The following ACOX3 variants were observed in gnomAD, a reference collection of about 807,000 sequenced individuals.
The protein encoded by ACOX3 is peroxisomal acyl-coenzyme A oxidase 3.
A neutral mutation model predicts 81.5 loss-of-function variants in ACOX3; 73 were observed. That is an observed-to-expected ratio of 0.90 (90% confidence interval 0.74 to 1.09). ACOX3 has a LOEUF of 1.09. ACOX3 is among the 50% of genes least tolerant of loss of function. The pLI, the probability that ACOX3 is intolerant of heterozygous loss-of-function variation, is 0.00. For synonymous variants in ACOX3, 387 were observed against 375.1 expected (o/e 1.03, Z -0.37); for missense variants, 947 against 928.0 (o/e 1.02, Z -0.27).
chr4:8,401,884 C>T (rs149277522), intron 7 of ACOX3, among the ~76,000 whole-genome samples: 1 of 152,334 alleles, frequency 6.6e-6, no homozygotes, highest in Non-Finnish European at 1.5e-5. Context: ...AATTCTATGC[C>T]CCACCCTGGG....
chr4:8,432,834 G>A lies in ACOX3; in HGVS notation c.-15+7814C>T, dbSNP rs371592538. On this transcript the variant is annotated intron_variant, in intron 1 of 17. Transcript: ENST00000356406. This position sits in a 1 kb window ranked among gnomAD's most constrained non-coding sequence, Gnocchi z 6.2. ...TAAGGGTCCCAGGTGAGTGTCTCTA[G>A]TGCTGCATTGTTCAACAGTAGCCCC... Among the ~76,000 whole-genome samples the A allele has an allele frequency of 6.6e-6, 1 of 152,206 alleles. No individual in the cohort carries two copies. The highest frequency in any genetic ancestry group is 2.4e-5 in the African/African-American group (1 of 41,444).
chr4:8,425,089 G>C (rs189595015), intron 1 of ACOX3, among the ~76,000 whole-genome samples: 1 of 152,150 alleles, frequency 6.6e-6, no homozygotes, highest in East Asian at 1.9e-4. Flanking sequence ...CCTAACTTCC[G>C]AGGGAACACC....
In ACOX3 at chr4:8,386,879, G is replaced by C. The variant is rs1025775330; in HGVS notation, c.1537+2294C>G. ...GGAAGTAGCCTGTAGGGCTGGAGAC[G>C]GACAAGGACACACGCTCGGGGGCTG... On this transcript the variant is annotated intron_variant, in intron 13 of 17. Transcript: ENST00000356406. This position sits in a 1 kb window ranked among gnomAD's most constrained non-coding sequence, Gnocchi z 5.2. Among the ~76,000 whole-genome samples the C allele has an allele frequency of 7.9e-5, 12 of 152,232 alleles. No individual in the cohort carries two copies. The highest frequency in any genetic ancestry group is 1.8e-4 in the Non-Finnish European group (12 of 68,032).
chr4:8,400,818 G>T lies in ACOX3; in HGVS notation c.777-1166C>A, dbSNP rs1720289242. Among the ~76,000 whole-genome samples the T allele has an allele frequency of 6.6e-6, 1 of 152,152 alleles. No homozygotes were observed. The highest frequency in any genetic ancestry group is 2.1e-4 in the South Asian group (1 of 4,832). ...GTTTTATGGAAGACAATTTTTCCAC[G>T]AATGAGGGGGAGGTGGGAGTGGTTT... is the stretch of plus-strand genomic sequence containing the variant. On this transcript the variant is annotated intron_variant, in intron 7 of 17. Coordinates refer to ENST00000356406, the MANE Select transcript of ACOX3 (RefSeq NM_003501.3). This position sits in a 1 kb window ranked among gnomAD's most constrained non-coding sequence, Gnocchi z 4.4.
chr4:8,436,300 C>T (rs553674597), intron 1 of ACOX3: 3 of 151,934 alleles, frequency 2.0e-5, no homozygotes, highest in African/African-American at 7.3e-5. Context: ...GCTTCATCAA[C>T]CCACAAGGAG....
chr4:8,365,737 C>T (rs148559575), downstream of ACOX3, among the ~76,000 whole-genome samples: 61 of 145,634 alleles, frequency 4.2e-4, no homozygotes, highest in Non-Finnish European at 5.8e-4. Context: ...GAGCCCCAGA[C>T]GGGTGGGATG....
intron 1 of ACOX3, among the ~76,000 whole-genome samples, chr4:8,417,926 G>A (rs1469952489): frequency 6.6e-6 from 1 of 152,200 alleles, no homozygotes; most frequent in Non-Finnish European, 1.5e-5. Flanking sequence ...ACCATGGTAT[G>A]CCAACAAATG....
At chr4:8,373,844 G>T (rs896417230) in intron 15 of ACOX3, 67 of 596,128 alleles carry the variant, frequency 1.1e-4, no homozygotes, top group Non-Finnish European at 1.6e-4. Flanking sequence ...AGGCATTGAT[G>T]GTCTCTGGCC....
At chr4:8,376,553 T>A (rs767265314) in intron 14 of ACOX3, among the ~76,000 whole-genome samples, 2 of 152,060 alleles carry the variant, frequency 1.3e-5, no homozygotes, top group Non-Finnish European at 2.9e-5. Flanking sequence ...ATCAGGAGCC[T>A]CGGGAAAACA....
chr4:8,395,398 G>A (rs1398585154), intron 9 of ACOX3, among the ~76,000 whole-genome samples: 1 of 137,276 alleles, frequency 7.3e-6, no homozygotes, highest in East Asian at 2.3e-4. Context: ...ACAGGTGGGG[G>A]GATGCATGGA....
chr4:8,383,324 C>T (rs1165856875), intron 13 of ACOX3, among the ~76,000 whole-genome samples: 1 of 152,266 alleles, frequency 6.6e-6, no homozygotes, highest in Non-Finnish European at 1.5e-5. Context: ...ATGGTGGCCC[C>T]AACTGACCCC....
In ACOX3 at chr4:8,430,450, G is replaced by C. The variant is rs1444029281; in HGVS notation, c.-15+10198C>G. 6.6e-6 allele frequency among the ~76,000 whole-genome samples: 1 copy of C among 152,242 alleles called. No individual in the cohort carries two copies. Among genetic ancestry groups the C allele is most frequent in the Non-Finnish European group, 1.5e-5 (1 of 68,040 alleles). On this transcript the variant is annotated intron_variant, in intron 1 of 17. Transcript: ENST00000356406. This position sits in a 1 kb window ranked among gnomAD's most constrained non-coding sequence, Gnocchi z 5.2. ...TTTTCAAATGTTTGGAGATACTGTTGAGAGTAATAAAATAACCATTTATTG... is the reference window on the plus strand; with the variant it reads ...TTTTCAAATGTTTGGAGATACTGTTCAGAGTAATAAAATAACCATTTATTG...
Position 8,394,670 on chromosome 4 carries a change from G to C in ACOX3, c.1129C>G (p.Leu377Val), listed in dbSNP as rs1433149508. 2 of 1,613,898 alleles carry C rather than the reference G, an allele frequency of 1.2e-6. No individual in the cohort carries two copies. The highest frequency in any genetic ancestry group is 4.5e-5 in the East Asian group (2 of 44,890). ...GCAAGTCCTCGCTGGAGCTCCACCAGGTCCAGGAAGAGCGACTTGGAGAAA... is the reference window on the plus strand; with the variant it reads ...GCAAGTCCTCGCTGGAGCTCCACCACGTCCAGGAAGAGCGACTTGGAGAAA... ...DHFSKSLFLD[L>V]VELQRGLASG... is the part of the protein sequence containing the mutation. Residue 377 changes from leucine (L) to valine (V), a missense_variant, in exon 10 of 18, where the codon CTG becomes GTG. Coordinates refer to ENST00000356406, the MANE Select transcript of ACOX3 (RefSeq NM_003501.3). The surrounding 1 kb of genome is among the most constrained non-coding windows in gnomAD (Gnocchi z 5.9).
chr4:8,412,393 G>GGAAT (rs1721823012), intron 5 of ACOX3, among the ~76,000 whole-genome samples: 1 of 151,916 alleles, frequency 6.6e-6, no homozygotes, highest in African/African-American at 2.4e-5. Flanking sequence ...CCCAGGCTGT[G>GGAAT]GAATGAATGG....
At chr4:8,356,706 G>A in the ACOX3 span, 3 of 456,418 alleles carry the variant, frequency 6.6e-6, no homozygotes, top group Admixed American at 4.7e-5. Flanking sequence ...GCAGAACTGT[G>A]CACGCTAACA....
At chr4:8,420,334 G>A (rs1342308076) in intron 1 of ACOX3, among the ~76,000 whole-genome samples, 1 of 152,178 alleles carries the variant, frequency 6.6e-6, no homozygotes, top group Non-Finnish European at 1.5e-5. Context: ...CCTAAGATCT[G>A]TGCACCTTGG....
rs76800502 is a variant in ACOX3, at chr4:8,378,634, G to C, written c.1653+2858C>G. 3.0e-3 allele frequency among the ~76,000 whole-genome samples: 462 copies of C among 152,066 alleles called. 2 individuals carry two copies. Among genetic ancestry groups the C allele is most frequent in the African/African-American group, 0.011 (451 of 41,432 alleles). ...CCCATCTTTTTACTCCCAGGCTAGA[G>C]GTAGGGAGGAGGGACGCCACCACCC... On this transcript the variant is annotated intron_variant, in intron 14 of 17. Transcript: ENST00000356406.
chr4:8,416,563 T>C lies in ACOX3; in HGVS notation c.-14-28A>G. The C allele has an allele frequency of 1.9e-6, 3 of 1,544,758 alleles. No individual in the cohort carries two copies. Among genetic ancestry groups the C allele is most frequent in the African/African-American group, 2.7e-5 (2 of 72,948 alleles). ...GCACAAAACATGCAACCTGAATCCATGCTCTCCCATCTATGGGTTCAAACT... is the reference window on the plus strand; with the variant it reads ...GCACAAAACATGCAACCTGAATCCACGCTCTCCCATCTATGGGTTCAAACT... On this transcript the variant is annotated intron_variant, in intron 1 of 17. Coordinates refer to ENST00000356406, the MANE Select transcript of ACOX3 (RefSeq NM_003501.3). The surrounding 1 kb of genome is among the most constrained non-coding windows in gnomAD (Gnocchi z 4.2).
downstream of ACOX3, among the ~76,000 whole-genome samples, chr4:8,363,904 C>T (rs543112622): frequency 7.3e-4 from 111 of 152,226 alleles, no homozygotes; most frequent in East Asian, 5.8e-4. Context: ...CAGGGAGGCA[C>T]GAATCCACCC....
Sources: gnomAD v4.1 joint callset for allele counts (sites outside exome capture counted in the v4.1 genomes callset) on GRCh38, gnomAD v4.1.1 for gene constraint, Gnocchi (gnomAD v3.1) non-coding constraint, MANE v1.5 for transcripts, NCBI Gene and HGNC (gene_info 2026-07-23, HGNC 2026-07-21) for gene names.